Variants in NAALADL2 observed in about 807,000 individuals in gnomAD.
The protein encoded by NAALADL2 is N-acetylated alpha-linked acidic dipeptidase like 2, also known as inactive N-acetylated-alpha-linked acidic dipeptidase-like protein 2.
NAALADL2 carries 76 observed loss-of-function variants against 87.2 expected under a neutral mutation model. That is an observed-to-expected ratio of 0.87 (90% CI 0.72 to 1.05). The LOEUF is 1.05. Ranked by LOEUF, NAALADL2 falls within the 50% of genes least tolerant of loss-of-function variation. The probability of loss-of-function intolerance (pLI) is 0.00; values close to 1 mark genes in which losing one functional copy is unlikely to be tolerated. For synonymous variants in NAALADL2, 354 were observed against 331.0 expected, an observed-to-expected ratio of 1.07 and a Z score of -0.75; for missense variants, 1,089 against 945.8, an observed-to-expected ratio of 1.15 and a Z score of -1.99.
intron 1 of NAALADL2, among the ~76,000 whole-genome samples, chr3:174,519,528 T>C (rs1720139239): frequency 1.3e-5 from 2 of 151,780 alleles, no homozygotes; most frequent in African/African-American, 4.8e-5. Flanking sequence ...ACAGGGTTTC[T>C]CCATCTTGGT....
At chr3:174,882,787 G>A (rs1372812800) in intron 1 of NAALADL2, among the ~76,000 whole-genome samples, 2 of 102,954 alleles carry the variant, frequency 1.9e-5, no homozygotes, top group African/African-American at 1.1e-4. Context: ...ATACATATGT[G>A]TATATATACA....
chr3:174,458,476 T>C (rs1208658203), intron 1 of NAALADL2: 1 of 152,240 alleles, frequency 6.6e-6, no homozygotes, highest in Non-Finnish European at 1.5e-5. Flanking sequence ...TTCCTTTTCT[T>C]TCCCTCTCCC....
intron 1 of NAALADL2, among the ~76,000 whole-genome samples, chr3:174,877,588 C>T (rs922506502): frequency 6.6e-6 from 1 of 152,018 alleles, no homozygotes; most frequent in Non-Finnish European, 1.5e-5. Flanking sequence ...TTTTAGGATT[C>T]ATTTGAGTTT....
At chr3:174,451,621 C>T (rs1715485574) in intron 1 of NAALADL2, among the ~76,000 whole-genome samples, 1 of 152,062 alleles carries the variant, frequency 6.6e-6, no homozygotes, top group Non-Finnish European at 1.5e-5. Flanking sequence ...AAGGATTTGC[C>T]ATTATACTAG....
At position 175,360,621 on chromosome 3, in the gene NAALADL2, C is replaced by T. The variant is rs76768091; in HGVS notation, c.1090+36296C>T. Among the ~76,000 whole-genome samples, 100 of 152,104 alleles carry T rather than the reference C, an allele frequency of 6.6e-4. No individual in the cohort carries two copies. The East Asian group carries it at 0.015, about 23-fold the overall frequency. On this transcript the variant is annotated intron_variant, in intron 5 of 13. Coordinates refer to ENST00000454872, the MANE Select transcript of NAALADL2 (RefSeq NM_207015.3). The stretch of plus-strand genomic sequence containing the variant: ...AGCCTATACTTGGCTTGTTATTTGG[C>T]TAGGTATGAAATACTGGGGTAAAAC...
intron 2 of NAALADL2, among the ~76,000 whole-genome samples, chr3:175,179,164 C>T (rs1292375652): frequency 6.6e-6 from 1 of 152,102 alleles, no homozygotes; most frequent in Middle Eastern, 3.4e-3. Context: ...AAATATACTT[C>T]CATTGATAAA....
intron 11 of NAALADL2, among the ~76,000 whole-genome samples, chr3:175,653,184 A>G (rs961987388): frequency 6.6e-6 from 1 of 152,090 alleles, no homozygotes; most frequent in Non-Finnish European, 1.5e-5. Context: ...CAGAGGTGGC[A>G]GAGTTGGCCT....
At chr3:175,714,440 G>A (rs1036250973) in intron 11 of NAALADL2, among the ~76,000 whole-genome samples, 2 of 152,100 alleles carry the variant, frequency 1.3e-5, no homozygotes, top group Non-Finnish European at 2.9e-5. Flanking sequence ...GCAGGAGATG[G>A]TGTCTCATTG....
intron 2 of NAALADL2, among the ~76,000 whole-genome samples, chr3:175,107,535 AACAC>A (rs35188653): frequency 7.5e-5 from 11 of 146,152 alleles, no homozygotes; most frequent in Non-Finnish European, 1.2e-4. Context: ...CACACACACA[AACAC>A]ACACACACAC....
chr3:175,717,282 G>A (rs1457050165), intron 11 of NAALADL2, among the ~76,000 whole-genome samples: 1 of 152,154 alleles, frequency 6.6e-6, no homozygotes, highest in Non-Finnish European at 1.5e-5. Flanking sequence ...TCCTACATCT[G>A]CTATGACCTG....
rs1309165422 is a variant in NAALADL2 at position 175,660,260 on chromosome 3, A to G, written c.1896+32874A>G. Among the ~76,000 whole-genome samples, 4 of 152,162 alleles carry G rather than the reference A, an allele frequency of 2.6e-5. No homozygotes were observed. In the East Asian group the frequency reaches 7.7e-4, roughly 29 times the overall value. ...TTGGAGGGACAGAAACATTCACACT[A>G]TAGCACCACTTAAGATAAACTTGAA... is the stretch of plus-strand genomic sequence containing the variant. On this transcript the variant is annotated intron_variant, in intron 11 of 13. Coordinates refer to ENST00000454872, the MANE Select transcript of NAALADL2 (RefSeq NM_207015.3).
intron 9 of NAALADL2, among the ~76,000 whole-genome samples, chr3:175,569,940 A>C (rs1465798945): frequency 6.6e-6 from 1 of 152,104 alleles, no homozygotes; most frequent in Non-Finnish European, 1.5e-5. Flanking sequence ...GTATTTGTAG[A>C]TATAAGGAGA....
At chr3:175,351,047 T>C (rs943076683) in intron 5 of NAALADL2, among the ~76,000 whole-genome samples, 5 of 152,176 alleles carry the variant, frequency 3.3e-5, no homozygotes, top group African/African-American at 9.6e-5. Flanking sequence ...CAATTGCATA[T>C]ACTTTGGAGT....
chr3:175,241,754 T>C (rs1746926370), intron 3 of NAALADL2, among the ~76,000 whole-genome samples: 1 of 151,880 alleles, frequency 6.6e-6, no homozygotes, highest in Non-Finnish European at 1.5e-5. Context: ...CATAGGTAGC[T>C]AAATTCAACT....
rs377202050 is a variant in NAALADL2 at position 175,685,523 on chromosome 3, T to G, written c.1897-51783T>G. Among the ~76,000 whole-genome samples, 27 of 140,858 alleles carry G rather than the reference T, an allele frequency of 1.9e-4. No homozygotes were observed. In the East Asian group the frequency reaches 5.2e-3, roughly 27 times the overall value. The allele number at this position is 140,858 out of a possible 152,430, so 92.4% of individuals were successfully genotyped here. A position where few individuals can be genotyped will look rare whatever the true frequency, so the allele number is the denominator to read the frequency against. On this transcript the variant is annotated intron_variant, in intron 11 of 13. Coordinates refer to ENST00000454872, the MANE Select transcript of NAALADL2 (RefSeq NM_207015.3). ...AAATACATAGAGACAGAGGAAGTGA[T>G]GGAGAGAAAAAGAGAGAGAGATTTA...
chr3:174,887,037 A>G (rs1730244888), intron 1 of NAALADL2, among the ~76,000 whole-genome samples: 1 of 152,152 alleles, frequency 6.6e-6, no homozygotes, highest in Admixed American at 6.5e-5. Flanking sequence ...TCTCTCTTCA[A>G]TTAGTACCAA....
At chr3:175,546,965 G>A (rs1239483313) in intron 9 of NAALADL2, among the ~76,000 whole-genome samples, 1 of 152,018 alleles carries the variant, frequency 6.6e-6, no homozygotes, top group African/African-American at 2.4e-5. Context: ...GATAGGAGGA[G>A]TCAATATCAT....
intron 2 of NAALADL2, among the ~76,000 whole-genome samples, chr3:175,228,527 A>G (rs183566932): frequency 3.3e-5 from 5 of 152,010 alleles, no homozygotes; most frequent in Admixed American, 1.3e-4. Context: ...AAAAAAAAGT[A>G]CTATGGCAGA....
Position 174,883,922 on chromosome 3 carries a change from C to T in NAALADL2, c.43+24472C>T, listed in dbSNP as rs191443067. ...ATGGGCCTCCTGTATTCCATGCATA[C>T]TCTTCCTTACCTCCACTGTGGAGTA... On this transcript the variant is annotated intron_variant, in intron 1 of 13. Transcript: ENST00000454872. 4.3e-4 allele frequency among the ~76,000 whole-genome samples: 65 copies of T among 152,314 alleles called. 1 individual carries two copies. The East Asian group carries it at 4.8e-3, about 11-fold the overall frequency.
Sources: allele counts gnomAD v4.1 joint callset (sites outside exome capture counted in the v4.1 genomes callset), GRCh38; gene constraint gnomAD v4.1.1; transcripts MANE v1.5; gene names NCBI Gene and HGNC (gene_info 2026-07-23, HGNC 2026-07-21).